The following ADAMTSL3 variants were observed in gnomAD, a reference collection of about 807,000 sequenced individuals.
ADAMTSL3 encodes ADAMTS like 3, also known as ADAMTS-like protein 3.
In ADAMTSL3, 128 loss-of-function variants were observed where a neutral mutation model predicts 201.7. The ratio of observed to expected loss-of-function variants is 0.63; its 90% confidence interval spans 0.55 to 0.73. The LOEUF (loss-of-function observed/expected upper bound fraction) is 0.73. ADAMTSL3 is among the 30% of genes least tolerant of loss of function. ADAMTSL3 has a pLI of 0.00. For synonymous variants in ADAMTSL3, 738 were observed against 748.4 expected (o/e 0.99, Z 0.23); for missense variants, 1,990 against 2,119.6 (o/e 0.94, Z 1.20).
chr15:83,985,783 C>T (rs940199699), intron 21 of ADAMTSL3, among the ~76,000 whole-genome samples: 1 of 152,040 alleles, frequency 6.6e-6, no homozygotes, highest in African/African-American at 2.4e-5. Flanking sequence ...CAGGTGAACA[C>T]CACCACCCCC....
intron 23 of ADAMTSL3, among the ~76,000 whole-genome samples, chr15:84,008,391 G>C (rs981480319): frequency 6.6e-6 from 1 of 152,174 alleles, no homozygotes; most frequent in Non-Finnish European, 1.5e-5. Context: ...CACCACACCA[G>C]GCCCCGTGGT....
intron 3 of ADAMTSL3, among the ~76,000 whole-genome samples, chr15:83,729,346 C>G (rs950652371): frequency 6.6e-6 from 1 of 151,810 alleles, no homozygotes; most frequent in African/African-American, 2.4e-5. Context: ...AAATTCCTAC[C>G]CTAATCTTTC....
intron 3 of ADAMTSL3, among the ~76,000 whole-genome samples, chr15:83,765,327 C>T (rs1182538795): frequency 6.6e-6 from 1 of 152,092 alleles, no homozygotes; most frequent in Non-Finnish European, 1.5e-5. Flanking sequence ...CGTTTGAGAT[C>T]CCCTTAAATA....
chr15:83,784,385 G>C (rs2063226033), intron 4 of ADAMTSL3, among the ~76,000 whole-genome samples: 1 of 152,162 alleles, frequency 6.6e-6, no homozygotes, highest in Non-Finnish European at 1.5e-5. Context: ...TTTATGTACA[G>C]TGAATAGTTT....
intron 3 of ADAMTSL3, among the ~76,000 whole-genome samples, chr15:83,753,491 TA>T (rs2062671560): frequency 6.6e-6 from 1 of 152,196 alleles, no homozygotes; most frequent in Non-Finnish European, 1.5e-5. Flanking sequence ...GGAGTTTATT[TA>T]AAGCCTGTGC....
intron 2 of ADAMTSL3, among the ~76,000 whole-genome samples, chr15:83,668,939 G>A (rs536637588): frequency 6.6e-6 from 1 of 152,212 alleles, no homozygotes; most frequent in East Asian, 1.9e-4. Context: ...AGTCTTTTAA[G>A]CTTCTGCTTA....
At chr15:83,972,136 C>T (rs946456021) in intron 20 of ADAMTSL3, among the ~76,000 whole-genome samples, 1 of 151,934 alleles carries the variant, frequency 6.6e-6, no homozygotes, top group Non-Finnish European at 1.5e-5. Flanking sequence ...GATGAGAAAC[C>T]CAAGCCATAG....
intron 2 of ADAMTSL3, among the ~76,000 whole-genome samples, chr15:83,701,994 C>A (rs117280840): frequency 3.0e-4 from 45 of 152,222 alleles, no homozygotes; most frequent in Non-Finnish European, 3.8e-4. Context: ...ATTGCCTTTA[C>A]CAAAATGCTG....
chr15:83,687,710 T>G (rs1031852085), intron 2 of ADAMTSL3, among the ~76,000 whole-genome samples: 1 of 152,116 alleles, frequency 6.6e-6, no homozygotes, highest in Non-Finnish European at 1.5e-5. Context: ...AGATTGTGTA[T>G]GTGAAAGAAT....
chr15:83,895,714 C>G (rs1212634068), intron 13 of ADAMTSL3, among the ~76,000 whole-genome samples: 2 of 152,070 alleles, frequency 1.3e-5, no homozygotes, highest in African/African-American at 4.8e-5. Context: ...ATATCTTGTA[C>G]TGTTTTCTTT....
chr15:83,915,058 T>A (rs2030838), intron 16 of ADAMTSL3, among the ~76,000 whole-genome samples: 95,377 of 152,036 alleles, frequency 0.63, 31,008 homozygotes, highest in African/African-American at 0.79. Context: ...CTACTGTATG[T>A]CTACAAAATG....
chr15:83,979,960 T>A (rs1479783460), intron 20 of ADAMTSL3, among the ~76,000 whole-genome samples: 1 of 152,194 alleles, frequency 6.6e-6, no homozygotes, highest in African/African-American at 2.4e-5. Flanking sequence ...TGGGGAACTT[T>A]AAAAAATTCT....
intron 16 of ADAMTSL3, 144 bp from the exon 17 acceptor site, chr15:83,923,760 G>C (rs977263254): frequency 1.1e-6 from 1 of 934,388 alleles, no homozygotes; most frequent in African/African-American, 1.7e-5. Context: ...TTTGTTCCCA[G>C]GTGTACCCTG....
chr15:83,935,402 G>A (rs954624053), intron 17 of ADAMTSL3, among the ~76,000 whole-genome samples: 7 of 151,846 alleles, frequency 4.6e-5, no homozygotes, highest in African/African-American at 1.7e-4. Flanking sequence ...AAAAATAAGT[G>A]CCTTATACTG....
chr15:83,816,484 C>G (rs1433667884), intron 5 of ADAMTSL3, among the ~76,000 whole-genome samples: 1 of 152,092 alleles, frequency 6.6e-6, no homozygotes, highest in Non-Finnish European at 1.5e-5. Flanking sequence ...TTAAGGGAGT[C>G]GAGAGTTAGC....
intron 2 of ADAMTSL3, among the ~76,000 whole-genome samples, chr15:83,683,292 C>G (rs1043578992): frequency 6.6e-5 from 10 of 152,046 alleles, no homozygotes; most frequent in Non-Finnish European, 1.0e-4. Flanking sequence ...TGAACTTGCA[C>G]TGCTCCATGC....
intron 20 of ADAMTSL3, among the ~76,000 whole-genome samples, chr15:83,978,314 C>T (rs2067322597): frequency 6.6e-6 from 1 of 152,130 alleles, no homozygotes; most frequent in African/African-American, 2.4e-5. Flanking sequence ...TGCACAAAGA[C>T]CCAGAGAGAG....
At chr15:83,825,505 T>A (rs1433523460) in intron 6 of ADAMTSL3, among the ~76,000 whole-genome samples, 1 of 152,082 alleles carries the variant, frequency 6.6e-6, no homozygotes, top group African/African-American at 2.4e-5. Context: ...CCTAGCTACT[T>A]GCTACTCAGG....
chr15:83,792,138 T>C (rs76468135), intron 4 of ADAMTSL3, among the ~76,000 whole-genome samples: 2,384 of 152,102 alleles, frequency 0.016, 74 homozygotes, highest in African/African-American at 0.054. Context: ...GGGGTTAATA[T>C]CCAAAATATA....
Sources: allele counts gnomAD v4.1 joint callset (sites outside exome capture counted in the v4.1 genomes callset), GRCh38; gene constraint gnomAD v4.1.1; transcripts MANE v1.5; gene names NCBI Gene and HGNC (gene_info 2026-07-23, HGNC 2026-07-21).